Variants in GALNTL6 observed in about 807,000 individuals in gnomAD.
GALNTL6 encodes polypeptide N-acetylgalactosaminyltransferase-like 6.
Under a neutral mutation model 73.7 loss-of-function variants are expected in GALNTL6, and 46 were observed. The observed-to-expected ratio is 0.62, with a 90% CI of 0.49 to 0.80. GALNTL6 has a LOEUF of 0.80. Among genes scored for constraint, GALNTL6 ranks in the 30% least tolerant of loss-of-function variants. GALNTL6 has a pLI of 0.00. For synonymous variants in GALNTL6, 259 were observed against 263.7 expected (o/e 0.98, Z 0.17); for missense variants, 604 against 755.0 (o/e 0.80, Z 2.34).
chr4:172,299,403 C>T (rs2111117656), intron 3 of GALNTL6, among the ~76,000 whole-genome samples: 1 of 152,264 alleles, frequency 6.6e-6, no homozygotes, highest in South Asian at 2.1e-4. Flanking sequence ...TTCTTGCCTT[C>T]TACTAGCTTT....
chr4:172,069,484 A>G lies in GALNTL6; in HGVS notation c.139-160172A>G, dbSNP rs1381630468. Reference sequence around the variant, plus strand: ...CACATATAACATATATGTTATATATAACACATATGTTATATGTATAACACA... The same window carrying G: ...CACATATAACATATATGTTATATATGACACATATGTTATATGTATAACACA... On this transcript the variant is annotated intron_variant, in intron 2 of 12. Transcript: ENST00000506823. Among the ~76,000 whole-genome samples the G allele has an allele frequency of 9.4e-4, 28 of 29,690 alleles. 3 individuals carry two copies. The highest frequency in any genetic ancestry group is 1.9e-3 in the South Asian group (1 of 532). The allele number at this position is 29,690 out of a possible 152,430, so 19.5% of individuals were successfully genotyped here. A position where few individuals can be genotyped will look rare whatever the true frequency, so the allele number is the denominator to read the frequency against.
chr4:172,290,624 C>G (rs1739431406), intron 3 of GALNTL6, among the ~76,000 whole-genome samples: 1 of 151,780 alleles, frequency 6.6e-6, no homozygotes, highest in African/African-American at 2.4e-5. Flanking sequence ...TTTTAAAGTA[C>G]TAGAGCTTCA....
intron 2 of GALNTL6, among the ~76,000 whole-genome samples, chr4:172,069,516 TTA>T (rs1491487393): frequency 2.3e-5 from 1 of 43,366 alleles, no homozygotes; most frequent in African/African-American, 6.3e-5. Context: ...CACATATATG[TTA>T]TATGTATAAC....
intron 2 of GALNTL6, among the ~76,000 whole-genome samples, chr4:171,861,004 G>A (rs1735816710): frequency 6.6e-6 from 1 of 152,076 alleles, no homozygotes; most frequent in South Asian, 2.1e-4. Context: ...GTATCACTCT[G>A]TACCTGTTCA....
intron 7 of GALNTL6, among the ~76,000 whole-genome samples, chr4:172,854,516 C>T (rs1744022306): frequency 6.6e-6 from 1 of 152,232 alleles, no homozygotes; most frequent in East Asian, 1.9e-4. Flanking sequence ...CATCATTATA[C>T]ATTGCTGTAT....
chr4:172,533,525 A>T (rs998324017), intron 5 of GALNTL6, among the ~76,000 whole-genome samples: 1 of 151,724 alleles, frequency 6.6e-6, no homozygotes, highest in African/African-American at 2.4e-5. Context: ...GGGTTTCACC[A>T]TATTGGTCAG....
intron 2 of GALNTL6, among the ~76,000 whole-genome samples, chr4:171,980,720 A>G (rs1739870455): frequency 6.6e-6 from 1 of 152,314 alleles, no homozygotes; most frequent in East Asian, 1.9e-4. Flanking sequence ...TCTGAAGTTG[A>G]CATCTGCCTA....
chr4:172,427,653 G>A (rs1031063650), intron 5 of GALNTL6, among the ~76,000 whole-genome samples: 1 of 151,910 alleles, frequency 6.6e-6, no homozygotes, highest in Admixed American at 6.6e-5. Flanking sequence ...AATAAATAGG[G>A]ACCAACAGCC....
intron 5 of GALNTL6, among the ~76,000 whole-genome samples, chr4:172,493,499 T>G (rs748736151): frequency 2.6e-5 from 4 of 152,234 alleles, no homozygotes; most frequent in Non-Finnish European, 5.9e-5. Context: ...CAGATTCGTT[T>G]CCTGAACTGC....
Position 171,814,456 on chromosome 4 carries a change from A to G in GALNTL6, c.-125A>G, listed in dbSNP as rs1346808633. 2 of 1,007,012 alleles carry G rather than the reference A, an allele frequency of 2.0e-6. No individual in the cohort carries two copies. The highest frequency in any genetic ancestry group is 4.9e-5 in the Admixed American group (2 of 41,096). The allele number at this position is 1,007,012 out of a possible 1,614,324, so 62.4% of individuals were successfully genotyped here. ...TCCTGCAGATTGGTGCTGAGCACGC[A>G]ACAAAAGTTTGTAGCTTCTCAGTTT... On this transcript the variant is annotated 5_prime_UTR_variant, in exon 2 of 13. Coordinates refer to ENST00000506823, the MANE Select transcript of GALNTL6 (RefSeq NM_001034845.3).
At chr4:172,611,521 G>A (rs959864260) in intron 5 of GALNTL6, among the ~76,000 whole-genome samples, 1 of 151,952 alleles carries the variant, frequency 6.6e-6, no homozygotes, top group African/African-American at 2.4e-5. Flanking sequence ...TGGCTTGTAG[G>A]GTTCTGCCAA....
At chr4:171,917,117 A>G (rs962374590) in intron 2 of GALNTL6, among the ~76,000 whole-genome samples, 1 of 152,014 alleles carries the variant, frequency 6.6e-6, no homozygotes, top group Non-Finnish European at 1.5e-5. Context: ...TGAGTCTGTC[A>G]CTCTTAGAAC....
intron 5 of GALNTL6, among the ~76,000 whole-genome samples, chr4:172,355,767 A>G (rs2111228904): frequency 6.6e-6 from 1 of 152,210 alleles, no homozygotes; most frequent in South Asian, 2.1e-4. Flanking sequence ...AATCTCATTT[A>G]GTTGTCATTT....
intron 5 of GALNTL6, among the ~76,000 whole-genome samples, chr4:172,608,942 A>G (rs1174778540): frequency 2.0e-5 from 3 of 152,004 alleles, no homozygotes; most frequent in African/African-American, 4.8e-5. Flanking sequence ...TTGTTGGTGT[A>G]TAGAAATGCT....
intron 2 of GALNTL6, among the ~76,000 whole-genome samples, chr4:172,087,495 C>T (rs1345853602): frequency 6.6e-6 from 1 of 151,290 alleles, no homozygotes; most frequent in African/African-American, 2.4e-5. Flanking sequence ...AGCACTAAGC[C>T]TATTTTGAAA....
chr4:171,970,786 T>TA (rs543877200), intron 2 of GALNTL6, among the ~76,000 whole-genome samples: 1 of 152,196 alleles, frequency 6.6e-6, no homozygotes, highest in Non-Finnish European at 1.5e-5. Context: ...CCATTGGCTT[T>TA]AAAAAAGATA....
intron 2 of GALNTL6, among the ~76,000 whole-genome samples, chr4:172,166,535 C>T (rs1372524876): frequency 2.0e-5 from 3 of 151,888 alleles, no homozygotes; most frequent in African/African-American, 7.3e-5. Context: ...GGTAAACAAA[C>T]ACATAAGAAG....
In GALNTL6 at chr4:172,931,161, G is replaced by A. The variant is rs764923103; in HGVS notation, c.1042G>A (p.Val348Ile). The A allele has an allele frequency of 2.6e-5, 41 of 1,565,654 alleles. No individual in the cohort carries two copies. Among genetic ancestry groups the A allele is most frequent in the Non-Finnish European group, 3.3e-5 (38 of 1,135,952 alleles). ...GGEQYEISFKVWMCGGEMFDV... is the reference protein window; with the variant it reads ...GGEQYEISFKIWMCGGEMFDV... ...TTTTGTTCTATTTTTCCCTCTTCAG[G>A]TTTGGATGTGTGGAGGAGAAATGTT... The change falls in exon 9 of 13, where the codon GTT becomes ATT. Residue 348 changes from valine to isoleucine, a missense_variant and splice_region_variant. Transcript: ENST00000506823.
chr4:172,771,425 A>G (rs1474500971), intron 5 of GALNTL6, among the ~76,000 whole-genome samples: 1 of 152,124 alleles, frequency 6.6e-6, no homozygotes, highest in Non-Finnish European at 1.5e-5. Context: ...TGGTGATATC[A>G]CTCCTGAGTC....
Sources: allele counts gnomAD v4.1 joint callset (sites outside exome capture counted in the v4.1 genomes callset), GRCh38; gene constraint gnomAD v4.1.1; transcripts MANE v1.5; gene names NCBI Gene and HGNC (gene_info 2026-07-23, HGNC 2026-07-21).